Variants in FBXL13 observed in about 807,000 individuals in gnomAD.
FBXL13 encodes F-box and leucine rich repeat protein 13.
FBXL13 carries 67 observed loss-of-function variants against 83.6 expected under a neutral mutation model. That is an observed-to-expected ratio of 0.80 (90% CI 0.66 to 0.98). The LOEUF is 0.98. FBXL13 is among the 50% of genes least tolerant of loss of function. The pLI is 0.00. For missense variants in FBXL13, 822 were observed against 866.5 expected, an observed-to-expected ratio of 0.95 and a Z score of 0.64; for synonymous variants, 272 against 299.5, an observed-to-expected ratio of 0.91 and a Z score of 0.95.
chr7:102,906,894 G>C (rs1239044043), intron 11 of FBXL13, among the ~76,000 whole-genome samples: 1 of 151,868 alleles, frequency 6.6e-6, no homozygotes. Context: ...TCTTTCTCTA[G>C]GTTTCTGGAG....
intron 2 of FBXL13, among the ~76,000 whole-genome samples, chr7:103,034,729 G>A (rs1017304205): frequency 6.6e-6 from 1 of 152,248 alleles, no homozygotes; most frequent in South Asian, 2.1e-4. Flanking sequence ...GAGAGCGAAC[G>A]AGGGCTGCGA....
intron 11 of FBXL13, among the ~76,000 whole-genome samples, chr7:102,897,913 C>T (rs1462099352): frequency 6.6e-6 from 1 of 152,034 alleles, no homozygotes; most frequent in African/African-American, 2.4e-5. Flanking sequence ...GCATAAAAAC[C>T]CACTCCAAGT....
intron 6 of FBXL13, among the ~76,000 whole-genome samples, chr7:102,979,087 A>T (rs1827866963): frequency 6.6e-6 from 1 of 152,252 alleles, no homozygotes; most frequent in African/African-American, 2.4e-5. Flanking sequence ...TATTGAAATT[A>T]GATCTGTAGT....
At chr7:102,965,692 A>G (rs750498802) in intron 7 of FBXL13, among the ~76,000 whole-genome samples, 1 of 152,204 alleles carries the variant, frequency 6.6e-6, no homozygotes, top group Non-Finnish European at 1.5e-5. Flanking sequence ...TTCTCATTCC[A>G]AAGAGACATT....
At chr7:102,971,535 G>A (rs574590124) in intron 6 of FBXL13, among the ~76,000 whole-genome samples, 22 of 150,496 alleles carry the variant, frequency 1.5e-4, no homozygotes, top group African/African-American at 2.9e-4. Context: ...CGGAGGTGGC[G>A]GTGAGCCAAG....
chr7:102,892,424 A>G (rs899322584), intron 11 of FBXL13, among the ~76,000 whole-genome samples: 1 of 152,246 alleles, frequency 6.6e-6, no homozygotes, highest in African/African-American at 2.4e-5. Flanking sequence ...TTAAATTTAT[A>G]TAAGTCCGAT....
intron 2 of FBXL13, among the ~76,000 whole-genome samples, chr7:103,052,265 T>C (rs1585568075): frequency 6.6e-6 from 1 of 152,258 alleles, no homozygotes; most frequent in East Asian, 1.9e-4. Context: ...ACTATACATT[T>C]TTTTTAAGAG....
intron 8 of FBXL13, among the ~76,000 whole-genome samples, chr7:102,947,685 A>G (rs1822747610): frequency 6.6e-6 from 1 of 152,158 alleles, no homozygotes; most frequent in Admixed American, 6.6e-5. Context: ...CAAGTTCATA[A>G]GGTTACAAAA....
At chr7:102,870,443 A>G (rs1808376935) in intron 16 of FBXL13, among the ~76,000 whole-genome samples, 1 of 152,234 alleles carries the variant, frequency 6.6e-6, no homozygotes, top group South Asian at 2.1e-4. Flanking sequence ...AATATTTATA[A>G]TAGAAAAAAT....
At chr7:103,047,841 C>T (rs1206497002) in intron 2 of FBXL13, among the ~76,000 whole-genome samples, 1 of 152,098 alleles carries the variant, frequency 6.6e-6, no homozygotes, top group Non-Finnish European at 1.5e-5. Flanking sequence ...CTTACAGGCA[C>T]CCGCCACCAT....
intron 17 of FBXL13, among the ~76,000 whole-genome samples, chr7:102,841,740 T>C (rs1355050138): frequency 1.3e-5 from 2 of 152,234 alleles, no homozygotes; most frequent in Non-Finnish European, 2.9e-5. Flanking sequence ...GAAAGAATAA[T>C]GCCTGGGTAT....
At chr7:103,040,202 C>T (rs1795516847) in intron 2 of FBXL13, among the ~76,000 whole-genome samples, 1 of 151,956 alleles carries the variant, frequency 6.6e-6, no homozygotes, top group African/African-American at 2.4e-5. Context: ...GACTTTAAAC[C>T]AACAGAGATC....
At chr7:102,988,100 A>C (rs1829185259) in intron 6 of FBXL13, 1 of 152,234 alleles carries the variant, frequency 6.6e-6, no homozygotes, top group African/African-American at 2.4e-5. Context: ...ATGATACAAG[A>C]AGGCAATGGG....
chr7:102,845,886 A>T (rs544337699), intron 17 of FBXL13, among the ~76,000 whole-genome samples: 33 of 152,304 alleles, frequency 2.2e-4, no homozygotes, highest in Non-Finnish European at 3.5e-4. Context: ...ATCCTCCCAT[A>T]GCCTCCTACA....
intron 6 of FBXL13, among the ~76,000 whole-genome samples, chr7:102,986,973 T>A (rs906645859): frequency 1.9e-4 from 28 of 150,488 alleles, no homozygotes; most frequent in African/African-American, 6.6e-4. Flanking sequence ...CATAGAATAC[T>A]AAGCCATAAA....
chr7:103,015,630 C>T (rs989981311), intron 6 of FBXL13, among the ~76,000 whole-genome samples: 3 of 152,080 alleles, frequency 2.0e-5, no homozygotes, highest in Non-Finnish European at 4.4e-5. Flanking sequence ...AACCCCGTCT[C>T]TACTAAAAAT....
intron 6 of FBXL13, among the ~76,000 whole-genome samples, chr7:102,993,744 G>A (rs535527284): frequency 2.7e-4 from 41 of 152,276 alleles, no homozygotes; most frequent in African/African-American, 9.9e-4. Flanking sequence ...ACGGGTAAAT[G>A]ATACTAAGAA....
intron 2 of FBXL13, among the ~76,000 whole-genome samples, chr7:103,040,853 C>G (rs948632379): frequency 6.6e-6 from 1 of 152,110 alleles, no homozygotes; most frequent in African/African-American, 2.4e-5. Context: ...ATTGATAGCA[C>G]TAAATGCCCA....
chr7:103,023,618 T>C (rs942259735), intron 6 of FBXL13, among the ~76,000 whole-genome samples: 1 of 152,190 alleles, frequency 6.6e-6, no homozygotes, highest in African/African-American at 2.4e-5. Context: ...AATCCCATTA[T>C]TGGGTATATG....
Sources: gnomAD v4.1 joint callset for allele counts (sites outside exome capture counted in the v4.1 genomes callset) on GRCh38, gnomAD v4.1.1 for gene constraint, MANE v1.5 for transcripts, NCBI Gene and HGNC (gene_info 2026-07-23, HGNC 2026-07-21) for gene names.